The following PCDHA13 variants were observed in gnomAD, a reference collection of about 807,000 sequenced individuals.
PCDHA13 encodes the protein protocadherin alpha-13.
Under a neutral mutation model 64.8 loss-of-function variants are expected in PCDHA13, and 54 were observed. The observed-to-expected ratio is 0.83, with a 90% CI of 0.67 to 1.04. The LOEUF (loss-of-function observed/expected upper bound fraction) is 1.04. Ranked by LOEUF, PCDHA13 falls within the 50% of genes least tolerant of loss-of-function variation. PCDHA13 has a pLI of 0.00. For synonymous variants in PCDHA13, 587 were observed against 564.4 expected (o/e 1.04, Z -0.57); for missense variants, 1,248 against 1,254.3 (o/e 0.99, Z 0.08).
At chr5:140,928,120 G>A (rs368067553) in intron 1 of PCDHA13, 5 of 1,614,062 alleles carry the variant, frequency 3.1e-6, no homozygotes, top group African/African-American at 1.3e-5. Context: ...GCAGATCAGT[G>A]AATACCAAGT....
chr5:140,966,971 C>T lies in PCDHA13; in HGVS notation c.2395-11978C>T, dbSNP rs375161984. On this transcript the variant is annotated intron_variant, in intron 1 of 3. Coordinates refer to ENST00000289272, the MANE Select transcript of PCDHA13 (RefSeq NM_018904.3). ...CGTGGCTCGCGCGCTGGGGCTTGAG[C>T]TGCGGCGCTTGGGGCCGGGTTGCTT... 13 of 1,602,690 alleles carry T rather than the reference C, an allele frequency of 8.1e-6. No homozygotes were observed. The African/African-American group carries it at 1.7e-4, about 21-fold the overall frequency.
At chr5:140,949,944 T>TTTAGTGG (rs2094435490) in intron 1 of PCDHA13, among the ~76,000 whole-genome samples, 1 of 151,908 alleles carries the variant, frequency 6.6e-6, no homozygotes, top group South Asian at 2.1e-4. Context: ...ATTTGCATTT[T>TTTAGTGG]TTAGTGGTTG....
In PCDHA13 at chr5:140,884,413, G is replaced by C. The variant is rs376737487; in HGVS notation, c.2145G>C (p.Leu715Phe). 13 of 1,613,896 alleles carry C rather than the reference G, an allele frequency of 8.1e-6. No homozygotes were observed. The East Asian group carries it at 2.5e-4, about 30-fold the overall frequency. Residue 715 changes from leucine (L) to phenylalanine (F), a missense_variant, in exon 1 of 4, where the codon TTG becomes TTC. Transcript: ENST00000289272. ...CAVSSLLVLT[L>F]LLYTALRCSA... Reference sequence around the variant, plus strand: ...TGTCCAGCCTGTTGGTGCTCACGTTGCTGCTGTATACTGCGCTGCGGTGCT... The same window carrying C: ...TGTCCAGCCTGTTGGTGCTCACGTTCCTGCTGTATACTGCGCTGCGGTGCT...
At chr5:141,000,513 C>G (rs1258002727) in intron 3 of PCDHA13, among the ~76,000 whole-genome samples, 2 of 143,802 alleles carry the variant, frequency 1.4e-5, no homozygotes, top group African/African-American at 5.2e-5. Context: ...CTGCAACCTC[C>G]TTCTCCAGGG....
At position 140,928,541 on chromosome 5, in the gene PCDHA13, A is replaced by T. The variant is rs149868042; in HGVS notation, c.2394+43879A>T. Reference sequence around the variant, plus strand: ...AACTTGTTTGTGGTAGATAGGAATGACAATTATCCGGTTATCTTGTTTCCC... The same window carrying T: ...AACTTGTTTGTGGTAGATAGGAATGTCAATTATCCGGTTATCTTGTTTCCC... On this transcript the variant is annotated intron_variant, in intron 1 of 3. Transcript: ENST00000289272. 1,755 of 1,614,192 alleles carry T rather than the reference A, an allele frequency of 1.1e-3. 11 individuals carry two copies. In the African/African-American group the frequency reaches 0.015, roughly 13 times the overall value.
Position 140,884,487 on chromosome 5 carries a change from T to C in PCDHA13, c.2219T>C (p.Val740Ala), listed in dbSNP as rs374963144. The part of the protein sequence containing the change: ...GACAPGKPTL[V>A]CSSAAGSWSY... ...TGCGCGCCGGGCAAGCCCACTCTAGTGTGCTCCAGCGCGGCAGGGAGTTGG... is the reference window on the plus strand; with the variant it reads ...TGCGCGCCGGGCAAGCCCACTCTAGCGTGCTCCAGCGCGGCAGGGAGTTGG... The change falls in exon 1 of 4, where the codon GTG becomes GCG. Residue 740 changes from valine (V) to alanine (A), a missense_variant. Transcript: ENST00000289272. 6.2e-7 allele frequency: 1 copy of C among 1,613,832 alleles called. No homozygotes were observed. The highest frequency in any genetic ancestry group is 1.3e-5 in the African/African-American group (1 of 75,022).
chr5:140,968,564 G>C (rs565573880), intron 1 of PCDHA13: 1 of 1,614,168 alleles, frequency 6.2e-7, no homozygotes, highest in South Asian at 1.1e-5. Context: ...AACTGCCCCT[G>C]CTGGCTACCT....
Position 140,967,363 on chromosome 5 carries a change from C to T in PCDHA13, c.2395-11586C>T, listed in dbSNP as rs539138806. On this transcript the variant is annotated intron_variant, in intron 1 of 3. Coordinates refer to ENST00000289272, the MANE Select transcript of PCDHA13 (RefSeq NM_018904.3). ...AGCACTTCGAGCTGGACCTTAAGCCCCTGCAGGAGAACAGTAAAGTGCTTG... is the reference window on the plus strand; with the variant it reads ...AGCACTTCGAGCTGGACCTTAAGCCTCTGCAGGAGAACAGTAAAGTGCTTG... The T allele has an allele frequency of 1.6e-5, 26 of 1,607,546 alleles. No homozygotes were observed. The South Asian group carries it at 2.9e-4, about 18-fold the overall frequency.
chr5:140,899,654 G>C (rs1429177993), intron 1 of PCDHA13, among the ~76,000 whole-genome samples: 1 of 152,158 alleles, frequency 6.6e-6, no homozygotes, highest in African/African-American at 2.4e-5. Context: ...ATTTGGTTGT[G>C]TCTCTGCCCG....
chr5:140,991,733 A>T (rs1360500460), intron 3 of PCDHA13, among the ~76,000 whole-genome samples: 1 of 152,136 alleles, frequency 6.6e-6, no homozygotes, highest in African/African-American at 2.4e-5. Flanking sequence ...TGTTCAAGGT[A>T]ATGTAGGCTC....
At chr5:140,998,415 C>T (rs1554256243) in intron 3 of PCDHA13, among the ~76,000 whole-genome samples, 1 of 152,158 alleles carries the variant, frequency 6.6e-6, no homozygotes, top group African/African-American at 2.4e-5. Context: ...GTTTATCTAC[C>T]TGGTTTATCC....
chr5:140,896,276 G>A (rs1368035002), intron 1 of PCDHA13, among the ~76,000 whole-genome samples: 1 of 152,176 alleles, frequency 6.6e-6, no homozygotes, highest in Non-Finnish European at 1.5e-5. Context: ...GGATTTGCTG[G>A]CTTGAATGGT....
In PCDHA13 at chr5:140,927,982, G is replaced by T. The variant is rs114786796; in HGVS notation, c.2394+43320G>T. 280 of 1,614,224 alleles carry T rather than the reference G, an allele frequency of 1.7e-4. No individual in the cohort carries two copies. The African/African-American group carries it at 3.0e-3, about 17-fold the overall frequency. On this transcript the variant is annotated intron_variant, in intron 1 of 3. Transcript: ENST00000289272. ...TGGCACAGTGATTGCTCTCTTTAGT[G>T]TAAAGGATGAAGACCTCGATTCTAA...
intron 1 of PCDHA13, chr5:140,930,201 A>G (rs1185112868): frequency 6.6e-6 from 1 of 152,178 alleles, no homozygotes; most frequent in Non-Finnish European, 1.5e-5. Flanking sequence ...TTATGTCAGA[A>G]ATATTTATGT....
chr5:140,945,654 AT>A (rs1230046600), intron 1 of PCDHA13, among the ~76,000 whole-genome samples: 5 of 152,294 alleles, frequency 3.3e-5, no homozygotes, highest in Admixed American at 3.3e-4. Flanking sequence ...ATGGAGCAGA[AT>A]ACAGCTCCCA....
Position 140,882,272 on chromosome 5 carries a change from C to G in PCDHA13, c.4C>G (p.Leu2Val), listed in dbSNP as rs782377951. Residue 2 changes from leucine (L) to valine (V), a missense_variant, in exon 1 of 4, where the codon CTG becomes GTG. Physicochemically the swap from Leu to Val is conservative, Grantham distance 32. Transcript: ENST00000289272. ...TCTGAGGTTTTTGGAGTGTACCATG[C>G]TGTCTTCCTGGCAAGGAGGCCCAAG... M[L>V]SSWQGGPRPR... is the part of the protein sequence containing the mutation. The G allele has an allele frequency of 5.0e-6, 8 of 1,611,430 alleles. No individual in the cohort carries two copies. The highest frequency in any genetic ancestry group is 6.8e-6 in the Non-Finnish European group (8 of 1,178,456).
At chr5:141,000,103 G>A (rs551643743) in intron 3 of PCDHA13, among the ~76,000 whole-genome samples, 15 of 152,186 alleles carry the variant, frequency 9.9e-5, no homozygotes, top group Admixed American at 5.2e-4. Context: ...GCTCAACTCC[G>A]TCTCTTCCCT....
At chr5:140,909,082 G>T (rs1190064294) in intron 1 of PCDHA13, among the ~76,000 whole-genome samples, 2 of 152,184 alleles carry the variant, frequency 1.3e-5, no homozygotes, top group Non-Finnish European at 2.9e-5. Context: ...CAGTGTGTTT[G>T]CTACTTCTCA....
intron 3 of PCDHA13, among the ~76,000 whole-genome samples, chr5:140,988,417 A>G (rs2097297098): frequency 6.6e-6 from 1 of 152,150 alleles, no homozygotes; most frequent in Non-Finnish European, 1.5e-5. Flanking sequence ...GCTTATGTAA[A>G]GAATTTGTTT....
Sources: allele counts gnomAD v4.1 joint callset (sites outside exome capture counted in the v4.1 genomes callset), GRCh38; gene constraint gnomAD v4.1.1; transcripts MANE v1.5; gene names NCBI Gene and HGNC (gene_info 2026-07-23, HGNC 2026-07-21).